KIDINS220: variants seen among roughly 807,000 people sequenced by gnomAD.
The protein encoded by KIDINS220 is kinase D interacting substrate 220, also known as kinase D-interacting substrate of 220 kDa.
Under a neutral mutation model 157.6 loss-of-function variants are expected in KIDINS220, and 63 were observed. The observed-to-expected ratio is 0.40, with a 90% CI of 0.33 to 0.49. The LOEUF (loss-of-function observed/expected upper bound fraction) is 0.49, where lower values mean the gene tolerates loss of function less well. Among genes scored for constraint, KIDINS220 ranks in the 20% least tolerant of loss-of-function variants. KIDINS220 has a pLI of 0.66. For synonymous variants in KIDINS220, 732 were observed against 783.6 expected (o/e 0.93, Z 1.10); for missense variants, 1,772 against 2,171.2 (o/e 0.82, Z 3.65).
chr2:8,790,410 A>G (rs959623437), intron 13 of KIDINS220, among the ~76,000 whole-genome samples: 26 of 152,162 alleles, frequency 1.7e-4, no homozygotes, highest in African/African-American at 6.3e-4. Context: ...TATTGTTTCC[A>G]CATGCAAAAA....
chr2:8,818,833 T>C, intron 2 of KIDINS220, 40 bp from the exon 3 acceptor site: 1 of 1,141,280 alleles, frequency 8.8e-7, no homozygotes. Context: ...ATCAAGTTAC[T>C]GCACTTTTAC....
chr2:8,725,106 G>A (rs1238630040), downstream of KIDINS220: 2 of 152,096 alleles, frequency 1.3e-5, no homozygotes, highest in Non-Finnish European at 2.9e-5. Flanking sequence ...AACACAAAAT[G>A]ACTGAAAAGA....
At chr2:8,746,882 C>T (rs1666659643) in intron 26 of KIDINS220, 3 of 416,460 alleles carry the variant, frequency 7.2e-6, no homozygotes, top group Non-Finnish European at 1.3e-5. Flanking sequence ...AGAAAAAGCC[C>T]TTCCTTATTG....
intron 1 of KIDINS220, among the ~76,000 whole-genome samples, chr2:8,830,368 T>C (rs1679430491): frequency 6.6e-6 from 1 of 152,154 alleles, no homozygotes; most frequent in African/African-American, 2.4e-5. Context: ...GACCAACTAC[T>C]TCTACACAAA....
Position 8,779,122 on chromosome 2 carries a change from T to C in KIDINS220, c.2388A>G (p.Ser796=), listed in dbSNP as rs1671358214. The C allele has an allele frequency of 3.1e-6, 5 of 1,613,466 alleles. No individual in the cohort carries two copies. Among genetic ancestry groups the C allele is most frequent in the Non-Finnish European group, 4.2e-6 (5 of 1,179,994 alleles). Residue 796 remains serine (S), a synonymous_variant, in exon 19 of 30, where the codon TCA becomes TCG. Coordinates refer to ENST00000256707, the MANE Select transcript of KIDINS220 (RefSeq NM_020738.4). ...QMLDTVRVLF[S]KGPFIAIFAS... ...CAAAAATGGCAATGAACGGGCCTTT[T>C]GAAAACAGAACTCGGACCTGTGGCA... is the stretch of plus-strand genomic sequence containing the variant.
chr2:8,776,803 G>A lies in KIDINS220; in HGVS notation c.2793C>T (p.Phe931=). ...LTKLLVTEDW[F]SDISPQTMRR... is the part of the protein sequence containing the mutation. ...TCATGGTCTGGGGACTGATGTCACT[G>A]AACCAGTCCTCGGTAACCAGCAGTT... is the stretch of plus-strand genomic sequence containing the variant. Residue 931 remains phenylalanine (F), a synonymous_variant, in exon 21 of 30, where the codon TTC becomes TTT. Coordinates refer to ENST00000256707, the MANE Select transcript of KIDINS220 (RefSeq NM_020738.4). The A allele has an allele frequency of 6.2e-7, 1 of 1,613,860 alleles. No individual in the cohort carries two copies. The highest frequency in any genetic ancestry group is 8.5e-7 in the Non-Finnish European group (1 of 1,179,780).
At chr2:8,798,395 C>A in intron 9 of KIDINS220, 95 bp from the exon 10 acceptor site, 1 of 699,790 alleles carries the variant, frequency 1.4e-6, no homozygotes, top group East Asian at 2.7e-5. Context: ...GAAAGCATTC[C>A]AACAGGCAGC....
chr2:8,815,677 A>G (rs1676984036), intron 4 of KIDINS220, among the ~76,000 whole-genome samples: 3 of 152,210 alleles, frequency 2.0e-5, no homozygotes, highest in Admixed American at 6.5e-5. Flanking sequence ...TCAGGGGGAA[A>G]AAAAAATAAA....
chr2:8,750,005 G>A (rs1667109104), intron 24 of KIDINS220, 107 bp downstream of exon 24: 2 of 866,646 alleles, frequency 2.3e-6, no homozygotes, highest in Admixed American at 5.7e-5. Context: ...TTTTTCCTAT[G>A]CTAAAGCCAA....
intron 1 of KIDINS220, among the ~76,000 whole-genome samples, chr2:8,831,974 C>T (rs1238882620): frequency 1.3e-5 from 2 of 152,222 alleles, no homozygotes; most frequent in African/African-American, 2.4e-5. Context: ...TGAAGCATTG[C>T]TGCTTCTTTA....
intron 17 of KIDINS220, among the ~76,000 whole-genome samples, chr2:8,782,840 T>C (rs1477097191): frequency 6.6e-6 from 1 of 152,258 alleles, no homozygotes; most frequent in Non-Finnish European, 1.5e-5. Flanking sequence ...TCAAGTGAGA[T>C]TTATGCCAGG....
chr2:8,760,588 T>A (rs1668621006), intron 22 of KIDINS220, among the ~76,000 whole-genome samples: 1 of 152,230 alleles, frequency 6.6e-6, no homozygotes, highest in African/African-American at 2.4e-5. Context: ...AACATTTCTG[T>A]CTACTCATGA....
intron 6 of KIDINS220, among the ~76,000 whole-genome samples, chr2:8,809,611 C>T (rs763612107): frequency 1.5e-4 from 22 of 151,676 alleles, no homozygotes; most frequent in Non-Finnish European, 1.5e-4. Flanking sequence ...CAAGAATCAC[C>T]TCTAGGCAAG....
Position 8,734,862 on chromosome 2 carries a change from G to T in KIDINS220, c.3718-109C>A, listed in dbSNP as rs1225569835. ...ATTTAGTTTTAAATAAGTCTCTAGA[G>T]ACCAGAAAGGCTGACCAAAAAAAAG... On this transcript the variant is annotated intron_variant, in intron 27 of 29. Transcript: ENST00000256707. 6 of 724,088 alleles carry T rather than the reference G, an allele frequency of 8.3e-6. No individual in the cohort carries two copies. In the East Asian group the frequency reaches 1.4e-4, roughly 17 times the overall value. 44.9% of individuals were successfully genotyped at this position (724,088 alleles called of 1,614,324 possible). A position where few individuals can be genotyped will look rare whatever the true frequency, so the allele number is the denominator to read the frequency against.
chr2:8,787,822 T>C (rs1672632359), intron 15 of KIDINS220, among the ~76,000 whole-genome samples: 1 of 152,090 alleles, frequency 6.6e-6, no homozygotes, highest in East Asian at 1.9e-4. Flanking sequence ...TTTTTTCTCA[T>C]AAATTTCCTA....
At chr2:8,776,633 A>G in intron 21 of KIDINS220, 115 bp downstream of exon 21, 1 of 773,180 alleles carries the variant, frequency 1.3e-6, no homozygotes, top group South Asian at 3.2e-5. Context: ...AAATAAAGCC[A>G]GTATTCAGCA....
chr2:8,754,423 C>T lies in KIDINS220; in HGVS notation c.3012-2779G>A, dbSNP rs567624864. On this transcript the variant is annotated intron_variant, in intron 22 of 29. Coordinates refer to ENST00000256707, the MANE Select transcript of KIDINS220 (RefSeq NM_020738.4). Reference sequence around the variant, plus strand: ...TTTCAGATATTTTTCCAAAGGTTAGCATTTAAAGAATTTAAGTAACTTCAC... The same window carrying T: ...TTTCAGATATTTTTCCAAAGGTTAGTATTTAAAGAATTTAAGTAACTTCAC... Among the ~76,000 whole-genome samples the T allele has an allele frequency of 1.3e-4, 20 of 152,300 alleles. No individual in the cohort carries two copies. In the South Asian group the frequency reaches 4.1e-3, roughly 32 times the overall value.
Position 8,730,469 on chromosome 2 carries a change from G to A in KIDINS220, c.*251C>T, listed in dbSNP as rs536499003. 3.7e-5 allele frequency: 48 copies of A among 1,296,972 alleles called. No homozygotes were observed. Among genetic ancestry groups the A allele is most frequent in the Non-Finnish European group, 4.3e-5 (44 of 1,026,976 alleles). 80.3% of individuals were successfully genotyped at this position (1,296,972 alleles called of 1,614,324 possible). ...CTCAAAAAGTTTTATGGGGTAATGC[G>A]CCAATGAAAGGTACAGTAGTATTAG... is the stretch of plus-strand genomic sequence containing the variant. On this transcript the variant is annotated 3_prime_UTR_variant, in exon 30 of 30. Coordinates refer to ENST00000256707, the MANE Select transcript of KIDINS220 (RefSeq NM_020738.4).
At chr2:8,824,281 TAAC>T (rs773029242) in intron 2 of KIDINS220, among the ~76,000 whole-genome samples, 7 of 152,204 alleles carry the variant, frequency 4.6e-5, no homozygotes, top group African/African-American at 7.2e-5. Flanking sequence ...ATTATTGTAA[TAAC>T]AACATTTTTA....
Sources: allele counts gnomAD v4.1 joint callset (sites outside exome capture counted in the v4.1 genomes callset), GRCh38; gene constraint gnomAD v4.1.1; transcripts MANE v1.5; gene names NCBI Gene and HGNC (gene_info 2026-07-23, HGNC 2026-07-21).